KRTAP6-2: variants seen among roughly 807,000 people sequenced by gnomAD.
KRTAP6-2 encodes the protein keratin-associated protein 6-2.
In KRTAP6-2, 1 loss-of-function variant was observed where a neutral mutation model predicts 0.4. That is an observed-to-expected ratio of 2.37 (90% CI 0.84 to 11.25). The LOEUF is 11.25. KRTAP6-2 is among the 30% of genes most tolerant of loss of function. The probability of loss-of-function intolerance (pLI) is 0.12; values close to 1 mark genes in which losing one functional copy is unlikely to be tolerated. For synonymous variants in KRTAP6-2, 39 were observed against 34.2 expected, an observed-to-expected ratio of 1.14 and a Z score of -0.49; for missense variants, 87 against 82.0, an observed-to-expected ratio of 1.06 and a Z score of -0.23.
chr21:30,598,791 T>C (rs529399817), exon 1 of KRTAP6-2: 1 of 1,611,992 alleles, frequency 6.2e-7, no homozygotes, highest in African/African-American at 1.3e-5. Context: ...AGCGCAGGCT[T>C]CCATAGCCAT....
At chr21:30,598,742 C>A in exon 1 of KRTAP6-2, 1 of 1,605,988 alleles carries the variant, frequency 6.2e-7, no homozygotes, top group Non-Finnish European at 8.5e-7. Flanking sequence ...AAGCGGGAGC[C>A]GTAGCCATGA....
At position 30,598,632 on chromosome 21, in the gene KRTAP6-2, A is replaced by G. The variant is rs112266893; in HGVS notation, c.*54T>C. 8.1e-4 allele frequency: 1,263 copies of G among 1,561,444 alleles called. 22 individuals carry two copies. In the South Asian group the frequency reaches 0.013, roughly 16 times the overall value. On this transcript the variant is annotated 3_prime_UTR_variant, in exon 1 of 1. Coordinates refer to ENST00000334897, the Ensembl canonical transcript of KRTAP6-2. Reference sequence around the variant, plus strand: ...CCCGAGCTCAGAGCATACGGGGTTCAGAATTGGTGAATCCCGATGTCACAG... The same window carrying G: ...CCCGAGCTCAGAGCATACGGGGTTCGGAATTGGTGAATCCCGATGTCACAG...
chr21:30,598,689 A>T, the KRTAP6-2 span: 1 of 1,613,040 alleles, frequency 6.2e-7, no homozygotes, highest in Non-Finnish European at 8.5e-7. Context: ...GGTGTCCTCA[A>T]TAGTAGTAGC....
At chr21:30,598,690 T>C (rs1214854475) in exon 1 of KRTAP6-2, 2 of 1,612,884 alleles carry the variant, frequency 1.2e-6, no homozygotes, top group Non-Finnish European at 1.7e-6. Flanking sequence ...GTGTCCTCAA[T>C]AGTAGTAGCC....
At chr21:30,598,764 G>C (rs759013587) in exon 1 of KRTAP6-2, 1 of 1,606,912 alleles carries the variant, frequency 6.2e-7, no homozygotes, top group South Asian at 1.1e-5. Flanking sequence ...CATAGCCACA[G>C]CAGGAGCTAT....
rs111546176 is a variant in KRTAP6-2, at chr21:30,598,624, C to T, written c.*62G>A. On this transcript the variant is annotated 3_prime_UTR_variant, in exon 1 of 1. Coordinates refer to ENST00000334897, the Ensembl canonical transcript of KRTAP6-2. The stretch of plus-strand genomic sequence containing the variant: ...CATCCAGCCCCGAGCTCAGAGCATA[C>T]GGGGTTCAGAATTGGTGAATCCCGA... 1,237 of 1,544,962 alleles carry T rather than the reference C, an allele frequency of 8.0e-4. 22 individuals carry two copies. In the South Asian group the frequency reaches 0.013, roughly 16 times the overall value.
rs770577810 is a variant in KRTAP6-2 at position 30,598,698 on chromosome 21, G to T, written c.177C>A (p.Gly59=). ...TCCCACGGTGTCCTCAATAGTAGTAGCCAGAGCCGCATCCATAGCCACAGC... is the reference window on the plus strand; with the variant it reads ...TCCCACGGTGTCCTCAATAGTAGTATCCAGAGCCGCATCCATAGCCACAGC... Residue 59 remains glycine (G), a synonymous_variant, in exon 1 of 1, where the codon GGC becomes GGA. Transcript: ENST00000334897. 5.0e-6 allele frequency: 8 copies of T among 1,613,476 alleles called. No individual in the cohort carries two copies. The African/African-American group carries it at 1.1e-4, about 22-fold the overall frequency.
chr21:30,598,866 G>A, exon 1 of KRTAP6-2: 1 of 1,613,812 alleles, frequency 6.2e-7, no homozygotes, highest in Non-Finnish European at 8.5e-7. Context: ...CGTAGTAGCT[G>A]CCGCACATCG....
exon 1 of KRTAP6-2, chr21:30,598,849 T>C: frequency 1.2e-6 from 2 of 1,613,994 alleles, no homozygotes; most frequent in Non-Finnish European, 1.7e-6. Context: ...GTCGCCGTAG[T>C]AGTTTCCGTA....
At chr21:30,598,676 C>T in exon 1 of KRTAP6-2, 2 of 1,608,996 alleles carry the variant, frequency 1.2e-6, no homozygotes, top group Non-Finnish European at 1.7e-6. Flanking sequence ...ATGAGTCTCC[C>T]ACGGTGTCCT....
rs1601081196 is a variant in KRTAP6-2 at position 30,598,823 on chromosome 21, A to T, written c.52T>A (p.Cys18Ser). 6.2e-6 allele frequency: 10 copies of T among 1,613,782 alleles called. No individual in the cohort carries two copies. The highest frequency in any genetic ancestry group is 2.7e-5 in the African/African-American group (2 of 74,912). ...CCATAGCCTAGGCCTTCGTATCCAC[A>T]GCACCCATAGCCATGGTCGCCGTAG... The change falls in exon 1 of 1, where the codon TGT becomes AGT. Residue 18 changes from cysteine (C) to serine (S), a missense_variant. Physicochemically the swap from Cys to Ser is moderately radical, Grantham distance 112. Coordinates refer to ENST00000334897, the Ensembl canonical transcript of KRTAP6-2.
Sources: gnomAD v4.1 joint callset for allele counts on GRCh38, gnomAD v4.1.1 for gene constraint, MANE v1.5 for transcripts, NCBI Gene and HGNC (gene_info 2026-07-23, HGNC 2026-07-21) for gene names.